TRIO: variants seen among roughly 807,000 people sequenced by gnomAD.
The protein encoded by TRIO is triple functional domain protein.
TRIO carries 58 observed loss-of-function variants against 351.9 expected under a neutral mutation model. That is an observed-to-expected ratio of 0.16 (90% confidence interval 0.13 to 0.21). TRIO has a LOEUF of 0.21. TRIO is among the 10% of genes least tolerant of loss of function. TRIO has a pLI of 1.00. For missense variants in TRIO, 3,201 were observed against 4,027.8 expected, an observed-to-expected ratio of 0.79 and a Z score of 5.56; for synonymous variants, 1,758 against 1,595.7, an observed-to-expected ratio of 1.10 and a Z score of -2.42.
chr5:14,258,646 A>G (rs1269154629), intron 1 of TRIO, among the ~76,000 whole-genome samples: 1 of 152,074 alleles, frequency 6.6e-6, no homozygotes, highest in Non-Finnish European at 1.5e-5. Context: ...GAAACTGCGG[A>G]AGAGCTTCGT....
intron 8 of TRIO, among the ~76,000 whole-genome samples, chr5:14,309,700 G>T (rs1234684618): frequency 5.9e-5 from 9 of 152,190 alleles, no homozygotes. Flanking sequence ...TGCTGAGGAG[G>T]TGTCCATCTC....
chr5:14,143,992 T>A, intron 1 of TRIO, 110 bp downstream of exon 1: 1 of 823,420 alleles, frequency 1.2e-6, no homozygotes, highest in Non-Finnish European at 1.5e-6. Context: ...CGCCCGTCCG[T>A]CCGTCGGGGC....
intron 27 of TRIO, among the ~76,000 whole-genome samples, chr5:14,392,873 C>T (rs1377812356): frequency 6.7e-6 from 1 of 149,170 alleles, no homozygotes; most frequent in African/African-American, 2.5e-5. Context: ...GGTGAAACCC[C>T]GTCACTACTA....
chr5:14,382,732 C>T (rs1299689521), intron 21 of TRIO, among the ~76,000 whole-genome samples: 1 of 151,510 alleles, frequency 6.6e-6, no homozygotes, highest in African/African-American at 2.4e-5. Context: ...TTATATGATC[C>T]GTATTTAGGG....
intron 46 of TRIO, among the ~76,000 whole-genome samples, chr5:14,483,225 C>T (rs192230095): frequency 2.7e-4 from 41 of 152,312 alleles, no homozygotes; most frequent in Admixed American, 1.9e-3. Context: ...CCTCCCTGCC[C>T]TGATGTAGCT....
rs373373570 is a variant in TRIO, at chr5:14,195,013, A to AT, written c.157+51142dup. On this transcript the variant is annotated intron_variant, in intron 1 of 56. Coordinates refer to ENST00000344204, the MANE Select transcript of TRIO (RefSeq NM_007118.4). The stretch of plus-strand genomic sequence containing the variant: ...CTTTTACCTTTAAATATTTCAGTGT[A>AT]TTTTTTTTTTTAAACCAAGGACATT... Among the ~76,000 whole-genome samples, 108 of 147,762 alleles carry AT rather than the reference A, an allele frequency of 7.3e-4. 1 individual carries two copies. In the East Asian group the frequency reaches 7.7e-3, roughly 11 times the overall value.
At chr5:14,350,313 G>A (rs1056798593) in intron 11 of TRIO, among the ~76,000 whole-genome samples, 3 of 152,206 alleles carry the variant, frequency 2.0e-5, no homozygotes, top group Non-Finnish European at 4.4e-5. Context: ...ACCTGAGGGT[G>A]GGGGAGCAGC....
intron 1 of TRIO, among the ~76,000 whole-genome samples, chr5:14,183,275 C>T (rs1789903859): frequency 6.6e-6 from 1 of 152,024 alleles, no homozygotes; most frequent in Non-Finnish European, 1.5e-5. Flanking sequence ...GTATGTTGTG[C>T]CCTTGGGAGT....
intron 33 of TRIO, among the ~76,000 whole-genome samples, chr5:14,412,465 A>G (rs566804858): frequency 1.3e-5 from 2 of 152,332 alleles, no homozygotes; most frequent in African/African-American, 2.4e-5. Context: ...GTAAGGGTGT[A>G]TATCTATCTA....
chr5:14,291,132 C>G lies in TRIO; in HGVS notation c.957C>G (p.His319Gln). ...PKVSTMLDRLHSTRQHLHQMW... is the reference protein window; with the variant it reads ...PKVSTMLDRLQSTRQHLHQMW... ...TGTCCACCATGCTGGACCGGCTGCA[C>G]TCGACACGGCAGCATCTGCACCAGA... The change falls in exon 5 of 57, where the codon CAC (histidine) becomes CAG (glutamine). Residue 319 changes from histidine (H) to glutamine (Q), a missense_variant. Transcript: ENST00000344204. The G allele has an allele frequency of 6.2e-7, 1 of 1,614,170 alleles. No individual in the cohort carries two copies. The highest frequency in any genetic ancestry group is 8.5e-7 in the Non-Finnish European group (1 of 1,180,028).
chr5:14,458,313 A>AG (rs1336129298), intron 34 of TRIO, among the ~76,000 whole-genome samples: 1 of 152,160 alleles, frequency 6.6e-6, no homozygotes, highest in Non-Finnish European at 1.5e-5. Context: ...CACTGTGCAG[A>AG]GCCCTGGAAG....
chr5:14,370,913 G>T (rs1314123578), intron 18 of TRIO, among the ~76,000 whole-genome samples: 3 of 152,152 alleles, frequency 2.0e-5, no homozygotes, highest in African/African-American at 7.2e-5. Context: ...TAGCTATTTA[G>T]GTAAAATTAC....
chr5:14,345,944 C>T (rs1015257076), intron 11 of TRIO, among the ~76,000 whole-genome samples: 1 of 152,198 alleles, frequency 6.6e-6, no homozygotes, highest in South Asian at 2.1e-4. Context: ...CAAAGAACCA[C>T]AAGTCTTTGG....
chr5:14,278,520 G>A (rs1329404600), intron 2 of TRIO, among the ~76,000 whole-genome samples: 2 of 152,144 alleles, frequency 1.3e-5, no homozygotes, highest in African/African-American at 2.4e-5. Flanking sequence ...AAAGTGAGGG[G>A]AATGTTTTAA....
chr5:14,309,841 C>A (rs952685599), intron 8 of TRIO, among the ~76,000 whole-genome samples: 1 of 152,112 alleles, frequency 6.6e-6, no homozygotes, highest in African/African-American at 2.4e-5. Context: ...TCTTCCTGTC[C>A]TTCCTTATTC....
intron 32 of TRIO, 184 bp downstream of exon 32, chr5:14,406,174 T>C: frequency 1.1e-6 from 1 of 939,514 alleles, no homozygotes; most frequent in Non-Finnish European, 1.5e-6. Flanking sequence ...AGAGCCTCTA[T>C]TGGCTTAGAG....
chr5:14,400,897 G>T, intron 30 of TRIO, 66 bp from the exon 31 acceptor site: 2 of 1,471,782 alleles, frequency 1.4e-6, no homozygotes, highest in South Asian at 1.2e-5. Context: ...CTGTTTCCTT[G>T]GTCTCTGTTC....
At chr5:14,443,416 A>G (rs996412292) in intron 34 of TRIO, among the ~76,000 whole-genome samples, 8 of 152,224 alleles carry the variant, frequency 5.3e-5, no homozygotes, top group Non-Finnish European at 1.2e-4. Context: ...TATCAGAGTG[A>G]TGTTTTAATA....
chr5:14,254,375 T>C (rs1483664694), intron 1 of TRIO, among the ~76,000 whole-genome samples: 1 of 152,224 alleles, frequency 6.6e-6, no homozygotes, highest in African/African-American at 2.4e-5. Context: ...TTTCACCATG[T>C]TGGCCAGGTT....
Sources: gnomAD v4.1 joint callset for allele counts (sites outside exome capture counted in the v4.1 genomes callset) on GRCh38, gnomAD v4.1.1 for gene constraint, MANE v1.5 for transcripts, NCBI Gene and HGNC (gene_info 2026-07-23, HGNC 2026-07-21) for gene names.